Variants in CC2D1B observed in about 807,000 individuals in gnomAD.
CC2D1B encodes the protein coiled-coil and C2 domain-containing protein 1B.
CC2D1B carries 92 observed loss-of-function variants against 110.8 expected under a neutral mutation model. The ratio of observed to expected loss-of-function variants is 0.83; its 90% CI spans 0.70 to 0.99. The LOEUF is 0.99. Among genes scored for constraint, CC2D1B ranks in the 50% least tolerant of loss-of-function variants. The pLI, the probability that CC2D1B is intolerant of heterozygous loss-of-function variation, is 0.00. For missense variants in CC2D1B, 1,136 were observed against 1,089.0 expected, an observed-to-expected ratio of 1.04 and a Z score of -0.61; for synonymous variants, 406 against 429.2, an observed-to-expected ratio of 0.95 and a Z score of 0.67.
chr1:52,358,191 C>T lies in CC2D1B; in HGVS notation c.1461+140G>A. The T allele has an allele frequency of 2.4e-6, 3 of 1,255,284 alleles. No individual in the cohort carries two copies. The South Asian group carries it at 4.7e-5, about 20-fold the overall frequency. The allele number at this position is 1,255,284 out of a possible 1,614,324, so 77.8% of individuals were successfully genotyped here. Reference sequence around the variant, plus strand: ...GTTCTGCTATTTCCTAGCTGGGTGTCCTTGGGCAAGTTTTTTCTCTGTACA... The same window carrying T: ...GTTCTGCTATTTCCTAGCTGGGTGTTCTTGGGCAAGTTTTTTCTCTGTACA... On this transcript the variant is annotated intron_variant, in intron 13 of 24. Transcript: ENST00000284376.
Position 52,351,115 on chromosome 1 carries a change from C to T in CC2D1B, c.*2110G>A, listed in dbSNP as rs955555342. On this transcript the variant is annotated 3_prime_UTR_variant, in exon 25 of 25. Coordinates refer to ENST00000284376, the MANE Select transcript of CC2D1B (RefSeq NM_001330585.2). ...GACAGGCTCCTCCTACTACCAGTGACGCATGCATGCCTTTGGCTACAACAA... is the reference window on the plus strand; with the variant it reads ...GACAGGCTCCTCCTACTACCAGTGATGCATGCATGCCTTTGGCTACAACAA... 6 of 152,190 alleles carry T rather than the reference C, an allele frequency of 3.9e-5. No homozygotes were observed. Among genetic ancestry groups the T allele is most frequent in the African/African-American group, 1.2e-4 (5 of 41,444 alleles). 9.4% of individuals were successfully genotyped at this position (152,190 alleles called of 1,614,324 possible).
rs1646528669 is a variant in CC2D1B, at chr1:52,351,407, A to T, written c.*1818T>A. On this transcript the variant is annotated 3_prime_UTR_variant, in exon 25 of 25. Transcript: ENST00000284376. ...ACCCTCTTAGGAAGCACTGGGTTGGATACACACCCTAAGGGGAGTAGGTTG... is the reference window on the plus strand; with the variant it reads ...ACCCTCTTAGGAAGCACTGGGTTGGTTACACACCCTAAGGGGAGTAGGTTG... 6.6e-6 allele frequency: 1 copy of T among 152,166 alleles called. No homozygotes were observed. The highest frequency in any genetic ancestry group is 1.5e-5 in the Non-Finnish European group (1 of 68,030). The allele number at this position is 152,166 out of a possible 1,614,324, so 9.4% of individuals were successfully genotyped here.
At chr1:52,362,790 G>GT in intron 2 of CC2D1B, 44 bp from the exon 3 acceptor site, 2 of 1,604,340 alleles carry the variant, frequency 1.2e-6, no homozygotes, top group Non-Finnish European at 1.7e-6. Flanking sequence ...AACAAGCAGG[G>GT]TAGGGTCCAG....
chr1:52,353,266 G>A, intron 24 of CC2D1B, 43 bp from the exon 25 acceptor site: 1 of 1,427,322 alleles, frequency 7.0e-7, no homozygotes, highest in Non-Finnish European at 9.3e-7. Context: ...CTAAACTGCA[G>A]TGAAAACACA....
Position 52,361,623 on chromosome 1 carries a change from G to T in CC2D1B, c.215-7C>A. The stretch of plus-strand genomic sequence containing the variant: ...TGGGCCATGGGCAGGGGGGCTGGGG[G>T]AAAAAGGTCACAACAAGTCAGCACA... On this transcript the variant is annotated splice_polypyrimidine_tract_variant and splice_region_variant and intron_variant, in intron 3 of 24. Transcript: ENST00000284376. 6.2e-7 allele frequency: 1 copy of T among 1,613,522 alleles called. No homozygotes were observed.
chr1:52,355,292 A>G, intron 21 of CC2D1B, 106 bp downstream of exon 21: 1 of 1,173,996 alleles, frequency 8.5e-7, no homozygotes, highest in East Asian at 2.5e-5. Flanking sequence ...TTTATCTCCC[A>G]AGTGGGGTGG....
chr1:52,359,105 G>T lies in CC2D1B; in HGVS notation c.1179C>A (p.Asn393Lys), dbSNP rs767863388. Residue 393 changes from asparagine (N) to lysine (K), a missense_variant, in exon 11 of 25, where the codon AAC becomes AAA. Transcript: ENST00000284376. ...TVLDALQQRLNKYREAGIQAR... is the reference protein window; with the variant it reads ...TVLDALQQRLKKYREAGIQAR... ...CCTGGATGCCCGCCTCGCGGTACTT[G>T]TTCAGCCTCTGCTGCAGGGCATCCA... 3 of 1,610,680 alleles carry T rather than the reference G, an allele frequency of 1.9e-6. No individual in the cohort carries two copies. The South Asian group carries it at 3.3e-5, about 18-fold the overall frequency.
At chr1:52,362,160 G>T (rs1397681540) in intron 3 of CC2D1B, among the ~76,000 whole-genome samples, 1 of 152,172 alleles carries the variant, frequency 6.6e-6, no homozygotes, top group African/African-American at 2.4e-5. Context: ...TGAGTGGGGG[G>T]ATTCTCTGAG....
intron 1 of CC2D1B, among the ~76,000 whole-genome samples, chr1:52,365,692 G>C (rs1646865685): frequency 6.6e-6 from 1 of 152,246 alleles, no homozygotes; most frequent in Non-Finnish European, 1.5e-5. Flanking sequence ...GCACCAAAGG[G>C]GAGGTGCACA....
In CC2D1B at chr1:52,360,956, C is replaced by A. The variant is rs563907945; in HGVS notation, c.477+18G>T. 1 of 1,613,324 alleles carries A rather than the reference C, an allele frequency of 6.2e-7. No individual in the cohort carries two copies. Among genetic ancestry groups the A allele is most frequent in the South Asian group, 1.1e-5 (1 of 91,050 alleles). On this transcript the variant is annotated intron_variant, in intron 5 of 24. Transcript: ENST00000284376. ...CACAGGAGCATCAGAGGCACAGGGG[C>A]CCTCCTCCAGAACCCACCTGAGCTG...
chr1:52,361,735 C>T (rs1412756350), intron 3 of CC2D1B, 119 bp from the exon 4 acceptor site: 1 of 1,278,500 alleles, frequency 7.8e-7, no homozygotes. Context: ...AGCAGAGTCC[C>T]ACCTGGAAAA....
At chr1:52,355,324 G>A in intron 21 of CC2D1B, 74 bp downstream of exon 21, 2 of 1,499,826 alleles carry the variant, frequency 1.3e-6, no homozygotes, top group Non-Finnish European at 1.8e-6. Flanking sequence ...GCATAGATGG[G>A]AACCCACTCT....
At chr1:52,356,788 T>C in intron 16 of CC2D1B, 1 of 608,290 alleles carries the variant, frequency 1.6e-6, no homozygotes, top group East Asian at 2.8e-5. Flanking sequence ...CTCTTCTCTG[T>C]TGTTTGTACC....
rs1396331408 is a variant in CC2D1B, at chr1:52,355,608, C to T, written c.2187G>A (p.Ser729=). The change falls in exon 20 of 25, where the codon TCG becomes TCA. Residue 729 remains serine, a splice_region_variant and synonymous_variant. Coordinates refer to ENST00000284376, the MANE Select transcript of CC2D1B (RefSeq NM_001330585.2). The part of the protein sequence containing the change: ...FVRFEFHYPN[S]DQAQKSKTAV... ...GATCCTACTTCTACCTGAACCTCAC[C>T]GAGTTAGGGTAGTGAAACTCAAACC... 4 of 1,613,992 alleles carry T rather than the reference C, an allele frequency of 2.5e-6. No homozygotes were observed. The highest frequency in any genetic ancestry group is 2.7e-5 in the African/African-American group (2 of 74,892).
Position 52,359,792 on chromosome 1 carries a change from G to A in CC2D1B, c.855C>T (p.Ser285=), listed in dbSNP as rs769467299. The A allele has an allele frequency of 1.6e-5, 26 of 1,611,492 alleles. No homozygotes were observed. Among genetic ancestry groups the A allele is most frequent in the Non-Finnish European group, 2.0e-5 (24 of 1,178,928 alleles). Residue 285 remains serine (S), a synonymous_variant, in exon 8 of 25, where the codon TCC becomes TCT. Coordinates refer to ENST00000284376, the MANE Select transcript of CC2D1B (RefSeq NM_001330585.2). ...CAGCCACTTTGTACTCTCTCTGTCG[G>A]GATGACAGCAGGGCCCGCGGGTCTG... ...LDPDPRALLS[S]RQREYKVAAL...
At chr1:52,355,687 T>G in intron 19 of CC2D1B, 21 bp from the exon 20 acceptor site, 1 of 1,612,566 alleles carries the variant, frequency 6.2e-7, no homozygotes, top group Non-Finnish European at 8.5e-7. Flanking sequence ...GAAAAGGGAG[T>G]CAAGTCAGAG....
rs1266927408 is a variant in CC2D1B at position 52,352,312 on chromosome 1, TAAGG to T, written c.*909_*912del. 1.2e-4 allele frequency: 18 copies of T among 152,466 alleles called. No individual in the cohort carries two copies. Among genetic ancestry groups the T allele is most frequent in the African/African-American group, 4.1e-4 (17 of 41,394 alleles). The allele number at this position is 152,466 out of a possible 1,614,324, so 9.4% of individuals were successfully genotyped here. A position where few individuals can be genotyped will look rare whatever the true frequency, so the allele number is the denominator to read the frequency against. On this transcript the variant is annotated 3_prime_UTR_variant, in exon 25 of 25. Transcript: ENST00000284376. The stretch of plus-strand genomic sequence containing the variant: ...AGGAGAATTTCTTGTGGAAAAAAAC[TAAGG>T]AAGTTCCCCACATAACCAGCCGAAG...
At chr1:52,364,706 A>G in intron 1 of CC2D1B, 72 bp from the exon 2 acceptor site, 1 of 1,003,746 alleles carries the variant, frequency 1.0e-6, no homozygotes, top group Non-Finnish European at 1.5e-6. Context: ...TACCCGTGGT[A>G]AGGTGTGGAT....
intron 2 of CC2D1B, among the ~76,000 whole-genome samples, 192 bp from the exon 3 acceptor site, chr1:52,362,938 C>A (rs1264157684): frequency 1.3e-5 from 2 of 152,172 alleles, no homozygotes; most frequent in Non-Finnish European, 2.9e-5. Flanking sequence ...CAACAAAAAA[C>A]CCAGTAAGAC....
Sources: gnomAD v4.1 joint callset for allele counts (sites outside exome capture counted in the v4.1 genomes callset) on GRCh38, gnomAD v4.1.1 for gene constraint, MANE v1.5 for transcripts, NCBI Gene and HGNC (gene_info 2026-07-23, HGNC 2026-07-21) for gene names.